Variants in GREM2 observed in about 807,000 individuals in gnomAD.
The protein encoded by GREM2 is gremlin 2, DAN family BMP antagonist, also known as gremlin-2.
A neutral mutation model predicts 14.2 loss-of-function variants in GREM2; 11 were observed. The ratio of observed to expected loss-of-function variants is 0.78; its 90% CI spans 0.49 to 1.28. The LOEUF is 1.28. Among genes scored for constraint, GREM2 ranks in the 50% most tolerant of loss-of-function variants. GREM2 has a pLI of 0.00. For missense variants in GREM2, 210 were observed against 218.5 expected (o/e 0.96, Z 0.24); for synonymous variants, 98 against 97.6 (o/e 1.00, Z -0.02).
chr1:240,605,396 G>T lies in GREM2; in HGVS notation c.-2+6488C>A, dbSNP rs905823319. On this transcript the variant is annotated intron_variant, in intron 1 of 1. Coordinates refer to ENST00000318160, the MANE Select transcript of GREM2 (RefSeq NM_022469.4). ...GGAGGCTGAGGTGGGGGGATCACTT[G>T]AACGTGAGAGGTTGAGGCTGCAGTG... Among the ~76,000 whole-genome samples the T allele has an allele frequency of 1.2e-4, 18 of 152,120 alleles. 1 individual carries two copies. Among genetic ancestry groups the T allele is most frequent in the Admixed American group, 9.8e-4 (15 of 15,268 alleles).
intron 1 of GREM2, among the ~76,000 whole-genome samples, chr1:240,558,277 A>G (rs1678985425): frequency 6.6e-6 from 1 of 152,162 alleles, no homozygotes; most frequent in Non-Finnish European, 1.5e-5. Flanking sequence ...AAACTTTGAT[A>G]GTAATTGCCT....
chr1:240,494,911 A>T (rs888948455), intron 1 of GREM2, among the ~76,000 whole-genome samples: 6 of 152,172 alleles, frequency 3.9e-5, no homozygotes, highest in Non-Finnish European at 5.9e-5. Context: ...AGAAAAAAAA[A>T]TAAGAATAAA....
At chr1:240,581,565 T>A (rs1679485497) in intron 1 of GREM2, among the ~76,000 whole-genome samples, 1 of 152,154 alleles carries the variant, frequency 6.6e-6, no homozygotes. Context: ...TGAGTAACTT[T>A]TAGTTAAATT....
chr1:240,567,063 A>C (rs1679185470), intron 1 of GREM2, among the ~76,000 whole-genome samples: 1 of 152,212 alleles, frequency 6.6e-6, no homozygotes, highest in Non-Finnish European at 1.5e-5. Flanking sequence ...GAGATTAAAA[A>C]TACGCTGGAT....
intron 1 of GREM2, among the ~76,000 whole-genome samples, chr1:240,512,525 G>A (rs987212786): frequency 4.4e-4 from 14 of 31,550 alleles, no homozygotes; most frequent in Middle Eastern, 0.04. Context: ...GCTTTCTGTC[G>A]CAGAACTTAT....
At chr1:240,498,319 G>C (rs1001214909) in intron 1 of GREM2, among the ~76,000 whole-genome samples, 1 of 152,198 alleles carries the variant, frequency 6.6e-6, no homozygotes, top group African/African-American at 2.4e-5. Context: ...TGACTGGGGC[G>C]AAGTCAGTCT....
At chr1:240,578,229 T>G (rs979476967) in intron 1 of GREM2, among the ~76,000 whole-genome samples, 2 of 152,090 alleles carry the variant, frequency 1.3e-5, no homozygotes, top group South Asian at 2.1e-4. Flanking sequence ...GGGTTCAAGC[T>G]ATTCTCCTGC....
rs569364816 is a variant in GREM2 at position 240,527,562 on chromosome 1, A to G, written c.-1-34086T>C. Among the ~76,000 whole-genome samples the G allele has an allele frequency of 4.3e-4, 65 of 152,330 alleles. 1 individual carries two copies. The South Asian group carries it at 0.013, about 30-fold the overall frequency. On this transcript the variant is annotated intron_variant, in intron 1 of 1. Transcript: ENST00000318160. Reference sequence around the variant, plus strand: ...TTTGAATGTATGTGTTAGTGTGTTTATAAGAGGTCTGAGGAAGGAGAGGGA... The same window carrying G: ...TTTGAATGTATGTGTTAGTGTGTTTGTAAGAGGTCTGAGGAAGGAGAGGGA...
intron 1 of GREM2, among the ~76,000 whole-genome samples, chr1:240,593,837 C>T (rs918743351): frequency 2.6e-5 from 4 of 152,102 alleles, no homozygotes; most frequent in South Asian, 2.1e-4. Context: ...TTTCTCCTTG[C>T]CGTTTCTTTG....
rs369814494 is a variant in GREM2 at position 240,516,318 on chromosome 1, C to G, written c.-1-22842G>C. On this transcript the variant is annotated intron_variant, in intron 1 of 1. Transcript: ENST00000318160. ...AGCGCAAAATGATCTTAGGTCAGAC[C>G]TGCACATTCACAGTTATGAGTAACT... Among the ~76,000 whole-genome samples the G allele has an allele frequency of 8.5e-5, 13 of 152,126 alleles. No individual in the cohort carries two copies. The East Asian group carries it at 2.1e-3, about 25-fold the overall frequency.
intron 1 of GREM2, among the ~76,000 whole-genome samples, chr1:240,512,594 TG>T (rs1677858422): frequency 6.6e-6 from 1 of 152,184 alleles, no homozygotes; most frequent in Non-Finnish European, 1.5e-5. Context: ...CTCTACTTTT[TG>T]CTAATTGTAA....
intron 1 of GREM2, among the ~76,000 whole-genome samples, chr1:240,509,691 C>T (rs1295907241): frequency 6.6e-6 from 1 of 152,124 alleles, no homozygotes; most frequent in African/African-American, 2.4e-5. Context: ...TATGACCTCC[C>T]TGCCCCTTTC....
intron 1 of GREM2, among the ~76,000 whole-genome samples, chr1:240,508,016 A>G (rs1352948281): frequency 6.6e-6 from 1 of 152,210 alleles, no homozygotes; most frequent in Non-Finnish European, 1.5e-5. Context: ...CTGAAAAGCT[A>G]AACAATGAGG....
intron 1 of GREM2, among the ~76,000 whole-genome samples, chr1:240,503,927 A>G (rs1677626430): frequency 6.6e-6 from 1 of 152,202 alleles, no homozygotes; most frequent in Admixed American, 6.5e-5. Context: ...AGTCACTTAC[A>G]GTGGGTCTAG....
intron 1 of GREM2, among the ~76,000 whole-genome samples, chr1:240,557,303 A>T (rs778486577): frequency 2.0e-5 from 3 of 152,158 alleles, no homozygotes; most frequent in Admixed American, 1.3e-4. Flanking sequence ...AATTAAGGAA[A>T]ATGTTTAGGC....
intron 1 of GREM2, among the ~76,000 whole-genome samples, chr1:240,590,224 T>C (rs74487757): frequency 6.6e-6 from 1 of 152,260 alleles, no homozygotes. Context: ...TAATGTAGAA[T>C]AACATTCACA....
chr1:240,520,021 G>A (rs377466996), intron 1 of GREM2, among the ~76,000 whole-genome samples: 9 of 151,712 alleles, frequency 5.9e-5, no homozygotes, highest in Non-Finnish European at 1.0e-4. Context: ...CGGAGGTTGC[G>A]GTGAGCCAGG....
chr1:240,493,896 G>A (rs146479429), intron 1 of GREM2, among the ~76,000 whole-genome samples: 11 of 152,236 alleles, frequency 7.2e-5, no homozygotes, highest in Non-Finnish European at 1.5e-4. Context: ...CTGCCCAGGG[G>A]CAGCTGGAGG....
At chr1:240,595,267 G>A (rs1362947834) in intron 1 of GREM2, among the ~76,000 whole-genome samples, 1 of 152,206 alleles carries the variant, frequency 6.6e-6, no homozygotes, top group Non-Finnish European at 1.5e-5. Flanking sequence ...AGGAGGTGGA[G>A]GTTGCAGTGA....
Sources: gnomAD v4.1 joint callset for allele counts (sites outside exome capture counted in the v4.1 genomes callset) on GRCh38, gnomAD v4.1.1 for gene constraint, MANE v1.5 for transcripts, NCBI Gene and HGNC (gene_info 2026-07-23, HGNC 2026-07-21) for gene names.